PTPRD: variants seen among roughly 807,000 people sequenced by gnomAD.
PTPRD encodes the protein receptor-type tyrosine-protein phosphatase delta.
A neutral mutation model predicts 214.5 loss-of-function variants in PTPRD; 34 were observed. The observed-to-expected ratio is 0.16, with a 90% confidence interval of 0.12 to 0.21. The LOEUF is 0.21. Ranked by LOEUF, PTPRD falls within the 10% of genes least tolerant of loss-of-function variation. The probability of loss-of-function intolerance (pLI) is 1.00; values close to 1 mark genes in which losing one functional copy is unlikely to be tolerated. For missense variants in PTPRD, 2,545 were observed against 2,398.7 expected, an observed-to-expected ratio of 1.06 and a Z score of -1.27; for synonymous variants, 1,128 against 845.7, an observed-to-expected ratio of 1.33 and a Z score of -5.79.
intron 9 of PTPRD, among the ~76,000 whole-genome samples, chr9:9,281,184 A>T (rs1947562410): frequency 6.6e-6 from 1 of 151,228 alleles, no homozygotes; most frequent in South Asian, 2.1e-4. Flanking sequence ...GAAAATCTGA[A>T]TGACCTTAGG....
At chr9:8,685,217 CAA>C (rs2097653655) in intron 12 of PTPRD, among the ~76,000 whole-genome samples, 5 of 141,894 alleles carry the variant, frequency 3.5e-5, no homozygotes. Context: ...TCAAAGGAAA[CAA>C]AAAGGCCTCT....
At chr9:10,514,364 A>G (rs1311598028) in intron 2 of PTPRD, among the ~76,000 whole-genome samples, 1 of 151,612 alleles carries the variant, frequency 6.6e-6, no homozygotes. Context: ...ATAAAATATG[A>G]TATGATCATT....
chr9:9,272,194 T>C (rs1943222515), intron 9 of PTPRD, among the ~76,000 whole-genome samples: 1 of 151,166 alleles, frequency 6.6e-6, no homozygotes, highest in Admixed American at 6.6e-5. Context: ...AGAGGGTCGT[T>C]TATGTAATGA....
intron 3 of PTPRD, among the ~76,000 whole-genome samples, chr9:10,235,130 T>C (rs2099624805): frequency 6.6e-6 from 1 of 151,998 alleles, no homozygotes. Flanking sequence ...ACACCCTCTA[T>C]TTTGTTTTAA....
chr9:9,739,160 C>T (rs138593879), intron 6 of PTPRD, among the ~76,000 whole-genome samples: 1 of 152,248 alleles, frequency 6.6e-6, no homozygotes, highest in East Asian at 1.9e-4. Flanking sequence ...CATGAATTCA[C>T]GTGTATATGC....
intron 9 of PTPRD, among the ~76,000 whole-genome samples, chr9:9,340,333 C>A (rs937825657): frequency 6.6e-6 from 1 of 152,144 alleles, no homozygotes; most frequent in African/African-American, 2.4e-5. Context: ...TAACCAATTT[C>A]TTTTCTCAGA....
At chr9:9,604,238 A>G (rs1348037454) in intron 7 of PTPRD, among the ~76,000 whole-genome samples, 1 of 152,156 alleles carries the variant, frequency 6.6e-6, no homozygotes, top group African/African-American at 2.4e-5. Context: ...GTAGAAATGC[A>G]GAATTAATCT....
chr9:10,150,725 G>T (rs1457623299), intron 3 of PTPRD, among the ~76,000 whole-genome samples: 1 of 151,402 alleles, frequency 6.6e-6, no homozygotes, highest in African/African-American at 2.4e-5. Context: ...AAAAAGAAAT[G>T]GTGAAATAAA....
intron 8 of PTPRD, among the ~76,000 whole-genome samples, chr9:9,470,462 C>T (rs559935399): frequency 1.3e-5 from 2 of 152,074 alleles, no homozygotes; most frequent in East Asian, 1.9e-4. Flanking sequence ...TCTTTAAATG[C>T]CTTAAATACA....
At chr9:8,539,132 A>G (rs1441275215) in intron 14 of PTPRD, among the ~76,000 whole-genome samples, 1 of 152,058 alleles carries the variant, frequency 6.6e-6, no homozygotes, top group East Asian at 1.9e-4. Context: ...AACAAGTTAT[A>G]ACACACTGAA....
chr9:9,660,991 T>C (rs1372010275), intron 7 of PTPRD, among the ~76,000 whole-genome samples: 1 of 152,004 alleles, frequency 6.6e-6, no homozygotes, highest in African/African-American at 2.4e-5. Flanking sequence ...GAAATAACGC[T>C]TTATTCAGGT....
chr9:9,453,908 A>G (rs1323274621), intron 8 of PTPRD, among the ~76,000 whole-genome samples: 1 of 151,750 alleles, frequency 6.6e-6, no homozygotes, highest in East Asian at 1.9e-4. Flanking sequence ...TACATGTGTT[A>G]GTATATTACT....
At chr9:9,242,432 C>A (rs1265706375) in intron 9 of PTPRD, among the ~76,000 whole-genome samples, 1 of 152,148 alleles carries the variant, frequency 6.6e-6, no homozygotes, top group African/African-American at 2.4e-5. Flanking sequence ...TAATATCCTG[C>A]AGAGTGTTTT....
chr9:8,978,354 C>T (rs1009916287), intron 11 of PTPRD, among the ~76,000 whole-genome samples: 9 of 152,122 alleles, frequency 5.9e-5, no homozygotes, highest in African/African-American at 2.2e-4. Flanking sequence ...TACAAATGCT[C>T]TGCACTAAGT....
rs147411158 is a variant in PTPRD at position 9,368,107 on chromosome 9, C to T, written c.-203+29342G>A. Among the ~76,000 whole-genome samples the T allele has an allele frequency of 8.0e-3, 1,211 of 151,778 alleles. 5 individuals carry two copies. The highest frequency in any genetic ancestry group is 0.012 in the Non-Finnish European group (839 of 67,792). ...GTGTGTACATTTTATTTACATAATT[C>T]GGCCCAAATTTGATTTTAAGTATGT... On this transcript the variant is annotated intron_variant, in intron 9 of 45. Coordinates refer to ENST00000381196, the MANE Select transcript of PTPRD (RefSeq NM_002839.4).
chr9:8,516,035 T>A (rs960919352), intron 21 of PTPRD, among the ~76,000 whole-genome samples: 8 of 152,202 alleles, frequency 5.3e-5, no homozygotes, highest in African/African-American at 1.9e-4. Flanking sequence ...GAAAAAATAA[T>A]CACAGCTGAG....
chr9:8,332,925 T>G (rs992682478), intron 43 of PTPRD, among the ~76,000 whole-genome samples: 1 of 152,190 alleles, frequency 6.6e-6, no homozygotes, highest in African/African-American at 2.4e-5. Flanking sequence ...AAACTTTTTT[T>G]AGATACACGT....
intron 9 of PTPRD, among the ~76,000 whole-genome samples, chr9:9,290,540 G>A (rs1950829190): frequency 6.6e-6 from 1 of 150,964 alleles, no homozygotes; most frequent in Non-Finnish European, 1.5e-5. Context: ...TTAGAGTTTT[G>A]GTTCTGCTAT....
Position 8,404,630 on chromosome 9 carries a change from C to G in PTPRD, c.4117G>C (p.Glu1373Gln), listed in dbSNP as rs954240920. 1.9e-6 allele frequency: 3 copies of G among 1,612,062 alleles called. No homozygotes were observed. Among genetic ancestry groups the G allele is most frequent in the African/African-American group, 1.3e-5 (1 of 74,856 alleles). The change falls in exon 36 of 46, where the codon GAA (glutamate) becomes CAA (glutamine). Residue 1373 changes from glutamate (E) to glutamine (Q), a missense_variant. Glu to Gln is a conservative substitution (Grantham distance 29). Coordinates refer to ENST00000381196, the MANE Select transcript of PTPRD (RefSeq NM_002839.4). The stretch of plus-strand genomic sequence containing the variant: ...TTGTTTACTTCCAAGTTTGAATGTT[C>G]CCAAGTGAACTGCTGGCCAGGGTCA... ...SIDPGQQFTW[E>Q]HSNLEVNKPK...
Sources: gnomAD v4.1 joint callset for allele counts (sites outside exome capture counted in the v4.1 genomes callset) on GRCh38, gnomAD v4.1.1 for gene constraint, MANE v1.5 for transcripts, NCBI Gene and HGNC (gene_info 2026-07-23, HGNC 2026-07-21) for gene names.